CCNG1: variants seen among roughly 807,000 people sequenced by gnomAD.
The protein encoded by CCNG1 is cyclin-G1.
A neutral mutation model predicts 30.0 loss-of-function variants in CCNG1; 13 were observed. The ratio of observed to expected loss-of-function variants is 0.43; its 90% CI spans 0.28 to 0.69. The LOEUF is 0.69. Among genes scored for constraint, CCNG1 ranks in the 30% least tolerant of loss-of-function variants. The pLI, the probability that CCNG1 is intolerant of heterozygous loss-of-function variation, is 0.16. For missense variants in CCNG1, 285 were observed against 331.4 expected (o/e 0.86, Z 1.09); for synonymous variants, 110 against 121.5 (o/e 0.91, Z 0.62).
At chr5:163,441,430 ATAAG>A (rs1757813236) in intron 3 of CCNG1, 99 bp downstream of exon 3, 3 of 1,139,956 alleles carry the variant, frequency 2.6e-6, no homozygotes, top group African/African-American at 3.1e-5. Context: ...TCTAATAAAA[ATAAG>A]TAAAATGACA....
At chr5:163,443,034 A>G (rs1757897807) in intron 6 of CCNG1, among the ~76,000 whole-genome samples, 1 of 152,202 alleles carries the variant, frequency 6.6e-6, no homozygotes, top group Non-Finnish European at 1.5e-5. Context: ...AGTAGGCCGG[A>G]TGCAGTGGCT....
chr5:163,441,320 G>T lies in CCNG1; in HGVS notation c.507G>T (p.Leu169Phe). 1.2e-6 allele frequency: 2 copies of T among 1,613,524 alleles called. No homozygotes were observed. Among genetic ancestry groups the T allele is most frequent in the East Asian group, 2.2e-5 (1 of 44,870 alleles). Residue 169 changes from leucine to phenylalanine, a missense_variant, in exon 3 of 7, where the codon TTG becomes TTT. Physicochemically the swap from Leu to Phe is conservative, Grantham distance 22 (BLOSUM62 0). Coordinates refer to ENST00000340828, the MANE Select transcript of CCNG1 (RefSeq NM_004060.4). ...QLYYSLLQEN[L>F]PLERRNSINF... ...ATTATTCACTCCTTCAAGAGAACTT[G>T]CCACTTGAAAGGTAAGTGACCTTTG...
At position 163,443,780 on chromosome 5, in the gene CCNG1, C is replaced by A; in HGVS notation, c.*110C>A. On this transcript the variant is annotated 3_prime_UTR_variant, in exon 7 of 7. Transcript: ENST00000340828. ...TAAGCTATGAAGCCTCAAAACATCACGAGATAAGCATGATGGTCTCAGACT... is the reference window on the plus strand; with the variant it reads ...TAAGCTATGAAGCCTCAAAACATCAAGAGATAAGCATGATGGTCTCAGACT... The A allele has an allele frequency of 1.6e-6, 2 of 1,219,772 alleles. No individual in the cohort carries two copies. The highest frequency in any genetic ancestry group is 1.2e-6 in the Non-Finnish European group (1 of 867,478). The allele number at this position is 1,219,772 out of a possible 1,614,324, so 75.6% of individuals were successfully genotyped here. A position where few individuals can be genotyped will look rare whatever the true frequency, so the allele number is the denominator to read the frequency against.
downstream of CCNG1, chr5:163,448,643 A>T (rs1758102197): frequency 6.6e-6 from 1 of 152,220 alleles, no homozygotes; most frequent in African/African-American, 2.4e-5. Flanking sequence ...TTAACATGAT[A>T]CCATACCAAG....
downstream of CCNG1, chr5:163,446,132 C>T (rs1389362985): frequency 6.6e-6 from 1 of 152,148 alleles, no homozygotes; most frequent in Non-Finnish European, 1.5e-5. Context: ...AAAAGTTGTT[C>T]ATAAAAGAAG....
chr5:163,452,214 A>G, the CCNG1 span: 1 of 152,256 alleles, frequency 6.6e-6, no homozygotes, highest in Admixed American at 6.5e-5. Flanking sequence ...GCAGAAATAT[A>G]GATGTAAAGA....
chr5:163,446,267 G>T (rs572753451), downstream of CCNG1: 1 of 151,992 alleles, frequency 6.6e-6, no homozygotes, highest in Non-Finnish European at 1.5e-5. Flanking sequence ...TTATATTTTC[G>T]ATTTAACATT....
At chr5:163,453,485 A>C in the CCNG1 span, 3 of 152,754 alleles carry the variant, frequency 2.0e-5, no homozygotes, top group Admixed American at 1.3e-4. Flanking sequence ...AATTTACTTA[A>C]AATACATTTA....
At position 163,444,980 on chromosome 5, in the gene CCNG1, A is replaced by C. The variant is rs1055006009; in HGVS notation, c.*1310A>C. 1.7e-4 allele frequency: 26 copies of C among 152,432 alleles called. 2 individuals carry two copies. The highest frequency in any genetic ancestry group is 6.3e-4 in the African/African-American group (26 of 41,454). The allele number at this position is 152,432 out of a possible 1,614,324, so 9.4% of individuals were successfully genotyped here. ...CCAACTACCATTATGTTTTAGTACT[A>C]AGGGATATACCTTTCAATAAAGTTA... On this transcript the variant is annotated 3_prime_UTR_variant, in exon 7 of 7. Coordinates refer to ENST00000340828, the MANE Select transcript of CCNG1 (RefSeq NM_004060.4).
At chr5:163,440,992 T>TTC in intron 2 of CCNG1, 86 bp from the exon 3 acceptor site, 5 of 1,361,248 alleles carry the variant, frequency 3.7e-6, no homozygotes, top group Non-Finnish European at 5.0e-6. Flanking sequence ...TTCAAAATGT[T>TTC]GGGTCGGAGT....
At chr5:163,457,550 A>C in the CCNG1 span, 1 of 1,483,184 alleles carries the variant, frequency 6.7e-7, no homozygotes, top group Non-Finnish European at 9.4e-7. Flanking sequence ...GAATTATAGT[A>C]ATTACCCTTA....
At position 163,442,120 on chromosome 5, in the gene CCNG1, G is replaced by C; in HGVS notation, c.673G>C (p.Glu225Gln). 1.2e-6 allele frequency: 2 copies of C among 1,609,458 alleles called. No individual in the cohort carries two copies. Among genetic ancestry groups the C allele is most frequent in the East Asian group, 2.2e-5 (1 of 44,752 alleles). ...QKCVELTEGI[E>Q]CLQKHSKING... ...GTGTGTAGAGTTAACAGAAGGAATA[G>C]AATGTCTTCAGAAACATTCCAAGGT... Residue 225 changes from glutamate (E) to glutamine (Q), a missense_variant, in exon 5 of 7, where the codon GAA becomes CAA. Coordinates refer to ENST00000340828, the MANE Select transcript of CCNG1 (RefSeq NM_004060.4).
chr5:163,446,852 T>TA (rs1477678599), downstream of CCNG1: 3 of 151,736 alleles, frequency 2.0e-5, no homozygotes, highest in Non-Finnish European at 2.9e-5. Flanking sequence ...CCATCTCTAC[T>TA]AAAAATACAA....
the CCNG1 span, chr5:163,453,979 G>T: frequency 6.5e-7 from 1 of 1,531,560 alleles, no homozygotes; most frequent in Non-Finnish European, 8.8e-7. Context: ...ATTTCTCAAG[G>T]TTTGAGAAAT....
chr5:163,455,164 A>G, the CCNG1 span, among the ~76,000 whole-genome samples: 1 of 151,666 alleles, frequency 6.6e-6, no homozygotes, highest in East Asian at 1.9e-4. Context: ...AAAAAACAGG[A>G]TAAGGGAAAT....
At chr5:163,439,682 G>A (rs1757709522) in intron 2 of CCNG1, 162 bp downstream of exon 2, 2 of 610,628 alleles carry the variant, frequency 3.3e-6, no homozygotes, top group Admixed American at 3.1e-5. Flanking sequence ...TCATAATCAA[G>A]AGTAGTACAT....
chr5:163,454,017 A>G, the CCNG1 span: 3 of 1,559,900 alleles, frequency 1.9e-6, no homozygotes, highest in Non-Finnish European at 2.6e-6. Context: ...TAGTTTCCTG[A>G]GATTTCTGCT....
chr5:163,455,735 G>GA, the CCNG1 span, among the ~76,000 whole-genome samples: 250 of 108,778 alleles, frequency 2.3e-3, no homozygotes, highest in Middle Eastern at 0.023. Context: ...CTCCATCTCA[G>GA]AAAAAAAAAA....
In CCNG1 at chr5:163,441,135, T is replaced by C. The variant is rs754047501; in HGVS notation, c.322T>C (p.Ser108Pro). The change falls in exon 3 of 7, where the codon TCA becomes CCA. Residue 108 changes from serine (S) to proline (P), a missense_variant. By Grantham distance (74) the Ser-to-Pro change is moderately conservative. Coordinates refer to ENST00000340828, the MANE Select transcript of CCNG1 (RefSeq NM_004060.4). Reference sequence around the variant, plus strand: ...GAGCTGCTTTTATTTGGCTGTAAAATCAATAGAAGAGGAAAGGAATGTCCC... The same window carrying C: ...GAGCTGCTTTTATTTGGCTGTAAAACCAATAGAAGAGGAAAGGAATGTCCC... ...GLSCFYLAVK[S>P]IEEERNVPLA... 1.2e-6 allele frequency: 2 copies of C among 1,613,934 alleles called. No homozygotes were observed. The highest frequency in any genetic ancestry group is 1.7e-6 in the Non-Finnish European group (2 of 1,179,882).
Sources: gnomAD v4.1 joint callset for allele counts (sites outside exome capture counted in the v4.1 genomes callset) on GRCh38, gnomAD v4.1.1 for gene constraint, MANE v1.5 for transcripts, NCBI Gene and HGNC (gene_info 2026-07-23, HGNC 2026-07-21) for gene names.